CCT3: variants seen among roughly 807,000 people sequenced by gnomAD.
The protein encoded by CCT3 is chaperonin containing TCP1 subunit 3.
In CCT3, 10 loss-of-function variants were observed where a neutral mutation model predicts 65.3. The ratio of observed to expected loss-of-function variants is 0.15; its 90% CI spans 0.09 to 0.26. The LOEUF (loss-of-function observed/expected upper bound fraction) is 0.26. Among genes scored for constraint, CCT3 ranks in the 10% least tolerant of loss-of-function variants. The pLI is 1.00. For synonymous variants in CCT3, 225 were observed against 242.3 expected (o/e 0.93, Z 0.66); for missense variants, 626 against 708.7 (o/e 0.88, Z 1.33).
Position 156,310,662 on chromosome 1 carries a change from T to A in CCT3, c.1429A>T (p.Thr477Ser). The change falls in exon 13 of 14, where the codon ACC becomes TCC. Residue 477 changes from threonine (T) to serine (S), a missense_variant. Transcript: ENST00000295688. The part of the protein sequence containing the change: ...RAKHTQENCE[T>S]WGVNGETGTL... Reference sequence around the variant, plus strand: ...CCCGTCTCACCATTTACACCCCAGGTCTCACAGTTCTCCTGGGTGTGCTTG... The same window carrying A: ...CCCGTCTCACCATTTACACCCCAGGACTCACAGTTCTCCTGGGTGTGCTTG... 6.2e-7 allele frequency: 1 copy of A among 1,613,798 alleles called. No individual in the cohort carries two copies. Among genetic ancestry groups the A allele is most frequent in the Non-Finnish European group, 8.5e-7 (1 of 1,179,740 alleles).
intron 5 of CCT3, among the ~76,000 whole-genome samples, chr1:156,328,028 C>T (rs61814800): frequency 5.0e-5 from 1 of 19,916 alleles, no homozygotes; most frequent in Non-Finnish European, 9.7e-5. Flanking sequence ...CCACCCCGTC[C>T]GGGAGGGAGG....
intron 5 of CCT3, among the ~76,000 whole-genome samples, chr1:156,325,680 C>T (rs1446693902): frequency 6.6e-6 from 1 of 151,436 alleles, no homozygotes; most frequent in Non-Finnish European, 1.5e-5. Context: ...CAGATTCAAG[C>T]GATTTTCCCA....
At chr1:156,325,199 G>T (rs1664748128) in intron 5 of CCT3, 110 bp from the exon 6 acceptor site, 1 of 791,850 alleles carries the variant, frequency 1.3e-6, no homozygotes, top group Non-Finnish European at 2.1e-6. Flanking sequence ...CTCCCAAAAG[G>T]TATGACATTT....
intron 12 of CCT3, 32 bp downstream of exon 12, chr1:156,310,918 C>T (rs757263280): frequency 1.2e-6 from 2 of 1,604,642 alleles, no homozygotes; most frequent in East Asian, 4.5e-5. Flanking sequence ...TTTCCCTGCT[C>T]CATCAAGAGA....
chr1:156,312,274 A>T, intron 10 of CCT3, 53 bp from the exon 11 acceptor site: 1 of 1,553,438 alleles, frequency 6.4e-7, no homozygotes, highest in Non-Finnish European at 8.8e-7. Context: ...ACTTGTACCC[A>T]TTTCCCTAGT....
At chr1:156,317,329 C>A (rs537075161) in intron 9 of CCT3, 82 bp from the exon 10 acceptor site, 3 of 1,592,664 alleles carry the variant, frequency 1.9e-6, no homozygotes, top group Non-Finnish European at 2.6e-6. Context: ...GACACTATTA[C>A]GCCCCTGCCA....
chr1:156,329,601 A>G (rs113279830), intron 5 of CCT3, among the ~76,000 whole-genome samples: 36,565 of 150,048 alleles, frequency 0.24, 4,911 homozygotes, highest in Non-Finnish European at 0.3. Context: ...CACCGCGCCC[A>G]GCCCATATCC....
chr1:156,335,678 A>G (rs2101680423), intron 2 of CCT3, 149 bp downstream of exon 2: 1 of 602,052 alleles, frequency 1.7e-6, no homozygotes, highest in African/African-American at 1.9e-5. Context: ...CCCTAACATC[A>G]TCAGGAAAAT....
At chr1:156,310,872 G>C in intron 12 of CCT3, 78 bp downstream of exon 12, 1 of 1,528,610 alleles carries the variant, frequency 6.5e-7, no homozygotes, top group Non-Finnish European at 8.9e-7. Context: ...AATTTGGATA[G>C]CCAGATAAGA....
chr1:156,311,289 A>G, intron 11 of CCT3, 94 bp from the exon 12 acceptor site: 1 of 1,289,682 alleles, frequency 7.8e-7, no homozygotes, highest in South Asian at 1.4e-5. Flanking sequence ...AAGTTAGTAA[A>G]CCACCAAGGA....
At chr1:156,329,939 G>GAA (rs758816481) in intron 5 of CCT3, among the ~76,000 whole-genome samples, 15 of 133,366 alleles carry the variant, frequency 1.1e-4, no homozygotes, top group South Asian at 9.6e-4. Flanking sequence ...ACTCTGTCTC[G>GAA]AAAAAAAAAA....
chr1:156,325,577 ATTTT>A (rs549653555), intron 5 of CCT3, among the ~76,000 whole-genome samples: 1 of 137,938 alleles, frequency 7.2e-6, no homozygotes, highest in African/African-American at 2.7e-5. Flanking sequence ...TATTCTTTTG[ATTTT>A]TTTTTTTTTT....
At chr1:156,328,886 T>C (rs1247441283) in intron 5 of CCT3, among the ~76,000 whole-genome samples, 1 of 152,206 alleles carries the variant, frequency 6.6e-6, no homozygotes, top group Non-Finnish European at 1.5e-5. Flanking sequence ...AATGTACATG[T>C]TATTCATTAG....
At chr1:156,326,730 C>T (rs573028606) in intron 5 of CCT3, among the ~76,000 whole-genome samples, 1 of 148,206 alleles carries the variant, frequency 6.7e-6, no homozygotes, top group Non-Finnish European at 1.5e-5. Context: ...ATTGGTAAAA[C>T]ATCTCCTTCT....
chr1:156,334,801 TAA>T, intron 3 of CCT3, 26 bp from the exon 4 acceptor site: 4 of 1,613,812 alleles, frequency 2.5e-6, no homozygotes, highest in Non-Finnish European at 3.4e-6. Flanking sequence ...AAGTTATATT[TAA>T]AGTGTCCTAG....
At chr1:156,313,239 T>G (rs1034614170) in intron 10 of CCT3, among the ~76,000 whole-genome samples, 3 of 150,336 alleles carry the variant, frequency 2.0e-5, no homozygotes, top group African/African-American at 7.3e-5. Context: ...CTTGGGAGCC[T>G]GAGGCAGGAG....
chr1:156,332,967 A>C (rs1458000685), intron 5 of CCT3: 1 of 159,874 alleles, frequency 6.3e-6, no homozygotes, highest in East Asian at 1.9e-4. Context: ...TGTATTTCCT[A>C]TAGAAGCAAT....
At chr1:156,338,114 G>T (rs1364488973) in intron 1 of CCT3, 40 bp downstream of exon 1, 4 of 1,568,098 alleles carry the variant, frequency 2.6e-6, no homozygotes, top group Admixed American at 3.9e-5. Context: ...ACAGAAGAGG[G>T]CGAAAAGGGG....
chr1:156,338,109 A>G (rs1294276315), intron 1 of CCT3, 45 bp downstream of exon 1: 1 of 1,565,966 alleles, frequency 6.4e-7, no homozygotes, highest in East Asian at 2.3e-5. Flanking sequence ...TATGGACAGA[A>G]GAGGGCGAAA....
Sources: allele counts gnomAD v4.1 joint callset (sites outside exome capture counted in the v4.1 genomes callset), GRCh38; gene constraint gnomAD v4.1.1; transcripts MANE v1.5; gene names NCBI Gene and HGNC (gene_info 2026-07-23, HGNC 2026-07-21).